Variants in DPYD observed in about 807,000 individuals in gnomAD.
DPYD encodes dihydropyrimidine dehydrogenase, also known as dihydropyrimidine dehydrogenase [NADP(+)].
In DPYD, 109 loss-of-function variants were observed where a neutral mutation model predicts 116.2. The ratio of observed to expected loss-of-function variants is 0.94; its 90% CI spans 0.80 to 1.10. The LOEUF is 1.10. DPYD is among the 50% of genes least tolerant of loss of function. The pLI, the probability that DPYD is intolerant of heterozygous loss-of-function variation, is 0.00. For missense variants in DPYD, 1,302 were observed against 1,254.5 expected (o/e 1.04, Z -0.57); for synonymous variants, 440 against 432.0 (o/e 1.02, Z -0.23).
intron 2 of DPYD, 145 bp downstream of exon 2, chr1:97,883,119 C>T: frequency 1.7e-6 from 1 of 591,872 alleles, no homozygotes; most frequent in Non-Finnish European, 2.9e-6. Context: ...CACTTTCAAA[C>T]TTTTTCAAAT....
chr1:97,232,817 T>C (rs977412531), intron 19 of DPYD, among the ~76,000 whole-genome samples: 23 of 152,304 alleles, frequency 1.5e-4, no homozygotes, highest in African/African-American at 4.8e-4. Flanking sequence ...ATCATACTTG[T>C]AGTTGCTTGT....
At position 97,903,439 on chromosome 1, in the gene DPYD, TTCTG is replaced by T. The variant is rs140958669; in HGVS notation, c.39+17441_39+17444del. ...GTGTTTCTCACAATTTATGGATCAG[TTCTG>T]TCTATCAATTCCAAATTTGAGTTTT... On this transcript the variant is annotated intron_variant, in intron 1 of 22. Transcript: ENST00000370192. Among the ~76,000 whole-genome samples, 1,438 of 152,020 alleles carry T rather than the reference TTCTG, an allele frequency of 9.5e-3. 30 individuals are homozygous for T. The highest frequency in any genetic ancestry group is 0.032 in the African/African-American group (1,335 of 41,520).
At chr1:97,316,726 T>C (rs1667876970) in intron 16 of DPYD, among the ~76,000 whole-genome samples, 2 of 151,690 alleles carry the variant, frequency 1.3e-5, no homozygotes, top group Non-Finnish European at 2.9e-5. Flanking sequence ...TCTACATTTC[T>C]AGACTTTATC....
At chr1:97,381,114 T>A (rs991947083) in intron 15 of DPYD, among the ~76,000 whole-genome samples, 1 of 152,210 alleles carries the variant, frequency 6.6e-6, no homozygotes, top group Non-Finnish European at 1.5e-5. Context: ...ACAAAAGGCA[T>A]ACCTTTTCCT....
At chr1:97,418,830 A>G (rs1674425160) in intron 14 of DPYD, among the ~76,000 whole-genome samples, 1 of 152,186 alleles carries the variant, frequency 6.6e-6, no homozygotes, top group South Asian at 2.1e-4. Flanking sequence ...AGTTTGCCAG[A>G]GTAGACTAAA....
Position 97,134,847 on chromosome 1 carries a change from C to T in DPYD, c.2623-36215G>A, listed in dbSNP as rs572391215. 3.3e-5 allele frequency among the ~76,000 whole-genome samples: 5 copies of T among 152,224 alleles called. No homozygotes were observed. The East Asian group carries it at 9.7e-4, about 29-fold the overall frequency. ...TAACGTTGCCTTTGACACTTAACCT[C>T]CTCTCAGTGAAACCAAGGTATGGAT... On this transcript the variant is annotated intron_variant, in intron 20 of 22. Coordinates refer to ENST00000370192, the MANE Select transcript of DPYD (RefSeq NM_000110.4).
intron 16 of DPYD, among the ~76,000 whole-genome samples, chr1:97,350,451 T>C (rs2101320868): frequency 6.6e-6 from 1 of 152,252 alleles, no homozygotes; most frequent in South Asian, 2.1e-4. Context: ...ATTTTTATAT[T>C]TACTCCTCCA....
chr1:97,911,426 A>G (rs1673930163), intron 1 of DPYD, among the ~76,000 whole-genome samples: 1 of 152,130 alleles, frequency 6.6e-6, no homozygotes, highest in Admixed American at 6.6e-5. Context: ...GGTTGCAAGT[A>G]AACTTTAGCT....
intron 14 of DPYD, among the ~76,000 whole-genome samples, chr1:97,386,071 C>A (rs1322854014): frequency 6.6e-6 from 1 of 151,946 alleles, no homozygotes; most frequent in Non-Finnish European, 1.5e-5. Context: ...GAGGGGTGAC[C>A]ACAGATGGGA....
chr1:97,581,148 G>GCAACAA (rs370329631), intron 10 of DPYD, among the ~76,000 whole-genome samples: 12,559 of 149,892 alleles, frequency 0.084, 614 homozygotes, highest in Middle Eastern at 0.13. Context: ...TATTAAAAAT[G>GCAACAA]CAACAACAAC....
chr1:97,525,774 G>GAGAGAGAGAGAGAGAA (rs1649011809), intron 12 of DPYD, among the ~76,000 whole-genome samples: 1 of 150,366 alleles, frequency 6.7e-6, no homozygotes, highest in Admixed American at 6.6e-5. Flanking sequence ...GAGAGAGAGA[G>GAGAGAGAGAGAGAGAA]AGAGAGAGAG....
At chr1:97,539,337 A>C (rs1482027278) in intron 12 of DPYD, among the ~76,000 whole-genome samples, 1 of 152,118 alleles carries the variant, frequency 6.6e-6, no homozygotes, top group Non-Finnish European at 1.5e-5. Context: ...TCATGGAATG[A>C]ATCCCACTTG....
intron 21 of DPYD, among the ~76,000 whole-genome samples, chr1:97,085,276 T>C (rs1478734089): frequency 6.6e-6 from 1 of 152,210 alleles, no homozygotes; most frequent in African/African-American, 2.4e-5. Flanking sequence ...CTCTAGGCAG[T>C]CAACAAGTGT....
chr1:97,732,002 G>A (rs1663642652), intron 4 of DPYD, among the ~76,000 whole-genome samples: 2 of 152,008 alleles, frequency 1.3e-5, no homozygotes, highest in South Asian at 4.2e-4. Flanking sequence ...TATAAAACTG[G>A]CTTAAGATGT....
chr1:97,314,902 G>A (rs1046700580), intron 16 of DPYD, among the ~76,000 whole-genome samples: 7 of 151,848 alleles, frequency 4.6e-5, no homozygotes, highest in Non-Finnish European at 4.4e-5. Flanking sequence ...GCCTCTCAGG[G>A]GCACTGTAGC....
chr1:97,200,291 T>G lies in DPYD; in HGVS notation c.2443-7043A>C, dbSNP rs570762446. On this transcript the variant is annotated intron_variant, in intron 19 of 22. Transcript: ENST00000370192. ...TATGTGCCTCCAGGTTATATGCAAG[T>G]AAAATATATGCTTACAATTTAAGTC... is the stretch of plus-strand genomic sequence containing the variant. Among the ~76,000 whole-genome samples, 6 of 152,312 alleles carry G rather than the reference T, an allele frequency of 3.9e-5. No individual in the cohort carries two copies. In the South Asian group the frequency reaches 1.2e-3, roughly 32 times the overall value.
chr1:97,482,354 C>G (rs944543461), intron 13 of DPYD, among the ~76,000 whole-genome samples: 14 of 152,152 alleles, frequency 9.2e-5, no homozygotes, highest in African/African-American at 3.4e-4. Context: ...TCATAAACAC[C>G]TGTATTTTTC....
At chr1:97,511,133 C>T (rs567859474) in intron 13 of DPYD, among the ~76,000 whole-genome samples, 1 of 151,988 alleles carries the variant, frequency 6.6e-6, no homozygotes, top group African/African-American at 2.4e-5. Flanking sequence ...GCCCAAATTG[C>T]CAACCCACAT....
chr1:97,548,329 G>C (rs1003907126), intron 12 of DPYD, among the ~76,000 whole-genome samples: 9 of 152,302 alleles, frequency 5.9e-5, no homozygotes, highest in Admixed American at 3.9e-4. Flanking sequence ...AGATCTGGTA[G>C]TTACACTTTT....
Sources: gnomAD v4.1 joint callset for allele counts (sites outside exome capture counted in the v4.1 genomes callset) on GRCh38, gnomAD v4.1.1 for gene constraint, MANE v1.5 for transcripts, NCBI Gene and HGNC (gene_info 2026-07-23, HGNC 2026-07-21) for gene names.